Variants in DOCK9 observed in about 807,000 individuals in gnomAD.
The protein encoded by DOCK9 is dedicator of cytokinesis protein 9.
In DOCK9, 89 loss-of-function variants were observed where a neutral mutation model predicts 263.3. The observed-to-expected ratio is 0.34, with a 90% CI of 0.28 to 0.40. DOCK9 has a LOEUF of 0.40. DOCK9 is among the 10% of genes least tolerant of loss of function. The pLI, the probability that DOCK9 is intolerant of heterozygous loss-of-function variation, is 1.00. For missense variants in DOCK9, 2,140 were observed against 2,603.4 expected (o/e 0.82, Z 3.87); for synonymous variants, 976 against 973.1 (o/e 1.00, Z -0.06).
rs1344673211 is a variant in DOCK9 at position 98,880,986 on chromosome 13, T to C, written c.2746-314A>G. Among the ~76,000 whole-genome samples the C allele has an allele frequency of 2.6e-5, 4 of 152,248 alleles. No individual in the cohort carries two copies. The East Asian group carries it at 7.7e-4, about 29-fold the overall frequency. On this transcript the variant is annotated intron_variant, in intron 25 of 52. Transcript: ENST00000682017. ...CTGATACCCTAAAGGACCAGAACTT[T>C]ACTTTTTAAATTATCACATAGTTGT...
intron 1 of DOCK9, among the ~76,000 whole-genome samples, chr13:99,017,544 G>C (rs1313327903): frequency 1.3e-5 from 2 of 152,144 alleles, no homozygotes; most frequent in Non-Finnish European, 2.9e-5. Flanking sequence ...ACTTTACCGA[G>C]AATTAGAAAT....
At chr13:98,953,315 G>A (rs931313551) in intron 2 of DOCK9, among the ~76,000 whole-genome samples, 9 of 152,206 alleles carry the variant, frequency 5.9e-5, no homozygotes, top group African/African-American at 1.9e-4. Flanking sequence ...AAATGCTAGT[G>A]AGTTCTTTGC....
intron 1 of DOCK9, among the ~76,000 whole-genome samples, chr13:99,009,696 C>T (rs1227412413): frequency 6.6e-6 from 1 of 152,014 alleles, no homozygotes; most frequent in Non-Finnish European, 1.5e-5. Flanking sequence ...CACAGACACA[C>T]AAGCAGGATG....
Position 98,869,098 on chromosome 13 carries a change from T to G in DOCK9, c.2944-721A>C, listed in dbSNP as rs142330721. On this transcript the variant is annotated intron_variant, in intron 27 of 52. Coordinates refer to ENST00000682017, the MANE Select transcript of DOCK9 (RefSeq NM_001366683.2). Reference sequence around the variant, plus strand: ...AGAAAGCACTGGCTTACATTTAAGCTCCAAATATTCAAACTGAAAATACGG... The same window carrying G: ...AGAAAGCACTGGCTTACATTTAAGCGCCAAATATTCAAACTGAAAATACGG... Among the ~76,000 whole-genome samples, 728 of 152,294 alleles carry G rather than the reference T, an allele frequency of 4.8e-3. 5 individuals carry two copies. The highest frequency in any genetic ancestry group is 0.034 in the Middle Eastern group (10 of 294).
intron 13 of DOCK9, among the ~76,000 whole-genome samples, chr13:98,900,086 C>T (rs1428509334): frequency 6.6e-6 from 1 of 152,194 alleles, no homozygotes; most frequent in East Asian, 1.9e-4. Flanking sequence ...AGCCTTAATT[C>T]CTGCTTTAAT....
At chr13:98,867,859 G>T in intron 29 of DOCK9, 69 bp downstream of exon 29, 1 of 1,390,888 alleles carries the variant, frequency 7.2e-7, no homozygotes, top group Non-Finnish European at 9.8e-7. Context: ...AAAAAAAAAG[G>T]AAAAAGATAA....
Position 98,897,592 on chromosome 13 carries a change from T to G in DOCK9, c.1605A>C (p.Ala535=), listed in dbSNP as rs768901482. ...TGGCATTTTTGTCAAGATTTCCAGATGCATCCTTAAACAATGTCCTGAAAT... is the reference window on the plus strand; with the variant it reads ...TGGCATTTTTGTCAAGATTTCCAGAGGCATCCTTAAACAATGTCCTGAAAT... ...AWAARTLFKD[A]SGNLDKNARF... Residue 535 remains alanine (A), a synonymous_variant, in exon 15 of 53, where the codon GCA becomes GCC. Coordinates refer to ENST00000682017, the MANE Select transcript of DOCK9 (RefSeq NM_001366683.2). 4 of 1,613,950 alleles carry G rather than the reference T, an allele frequency of 2.5e-6. No individual in the cohort carries two copies. In the Admixed American group the frequency reaches 5.0e-5, roughly 20 times the overall value.
chr13:99,038,722 T>C (rs1310411465), intron 1 of DOCK9, among the ~76,000 whole-genome samples: 1 of 152,218 alleles, frequency 6.6e-6, no homozygotes, highest in Admixed American at 6.5e-5. Context: ...ACTTATGGCA[T>C]CTGTCTTGGG....
chr13:98,913,847 A>G (rs1306728375), intron 9 of DOCK9, among the ~76,000 whole-genome samples: 1 of 152,178 alleles, frequency 6.6e-6, no homozygotes, highest in Non-Finnish European at 1.5e-5. Flanking sequence ...CAAAATTGTA[A>G]GACACAGGAA....
chr13:98,836,595 C>T (rs147184850), intron 39 of DOCK9, among the ~76,000 whole-genome samples: 5 of 152,214 alleles, frequency 3.3e-5, no homozygotes, highest in East Asian at 3.9e-4. Flanking sequence ...GCTTCTACCC[C>T]GAGCTCATTT....
intron 1 of DOCK9, among the ~76,000 whole-genome samples, chr13:99,086,024 C>G (rs114203046): frequency 1.2e-3 from 190 of 152,222 alleles, no homozygotes; most frequent in African/African-American, 4.3e-3. Flanking sequence ...GGGGAGGGGT[C>G]TGGGAGTTGC....
upstream of DOCK9, among the ~76,000 whole-genome samples, chr13:98,979,875 C>T (rs1876725565): frequency 6.6e-6 from 1 of 152,212 alleles, no homozygotes; most frequent in African/African-American, 2.4e-5. Flanking sequence ...AACAGACTAA[C>T]TGAGCCTTAG....
intron 11 of DOCK9, 73 bp downstream of exon 11, chr13:98,902,899 C>T: frequency 7.5e-7 from 1 of 1,334,690 alleles, no homozygotes. Flanking sequence ...CTTATCCAGG[C>T]TGCACTGTAA....
chr13:98,794,621 T>A lies in DOCK9; in HGVS notation c.*5A>T. 1 of 1,584,176 alleles carries A rather than the reference T, an allele frequency of 6.3e-7. No individual in the cohort carries two copies. Among genetic ancestry groups the A allele is most frequent in the Non-Finnish European group, 8.6e-7 (1 of 1,164,830 alleles). On this transcript the variant is annotated 3_prime_UTR_variant, in exon 53 of 53. Transcript: ENST00000682017. The stretch of plus-strand genomic sequence containing the variant: ...AAGTCCCCACACACGGGCCATGAGA[T>A]GTAATCACACGACCGAAGACGAGCT...
rs75160374 is a variant in DOCK9 at position 99,063,219 on chromosome 13, G to A, written c.129+23004C>T. ...TAGAAAAGAACAGGGACAAACGAAC[G>A]ATGAAAAGCAAGCCTGGGTCATACT... On this transcript the variant is annotated intron_variant, in intron 1 of 32. Transcript: ENST00000427887. Among the ~76,000 whole-genome samples, 807 of 152,332 alleles carry A rather than the reference G, an allele frequency of 5.3e-3. 3 individuals carry two copies. Among genetic ancestry groups the A allele is most frequent in the Non-Finnish European group, 8.6e-3 (585 of 68,018 alleles).
At chr13:98,920,760 A>G (rs1325656683) in intron 7 of DOCK9, among the ~76,000 whole-genome samples, 194 bp downstream of exon 7, 1 of 152,246 alleles carries the variant, frequency 6.6e-6, no homozygotes. Context: ...CTGCCACAGC[A>G]TAATTCTGCC....
intron 1 of DOCK9, among the ~76,000 whole-genome samples, chr13:99,002,492 C>T: frequency 6.6e-6 from 1 of 152,232 alleles, no homozygotes. Flanking sequence ...TGTGTTCATC[C>T]TTCAAACCCA....
chr13:98,873,289 T>C (rs1032339402), intron 27 of DOCK9, among the ~76,000 whole-genome samples: 2 of 152,250 alleles, frequency 1.3e-5, no homozygotes, highest in African/African-American at 4.8e-5. Flanking sequence ...TTTCAGCAGA[T>C]TGGTACTCAC....
At chr13:98,856,196 T>C (rs909681258) in intron 33 of DOCK9, 165 bp from the exon 34 acceptor site, 3 of 618,806 alleles carry the variant, frequency 4.8e-6, no homozygotes, top group Non-Finnish European at 8.1e-6. Flanking sequence ...CCAGGTCATA[T>C]ACAATGAGAT....
Sources: gnomAD v4.1 joint callset for allele counts (sites outside exome capture counted in the v4.1 genomes callset) on GRCh38, gnomAD v4.1.1 for gene constraint, MANE v1.5 for transcripts, NCBI Gene and HGNC (gene_info 2026-07-23, HGNC 2026-07-21) for gene names.